Variants in APPL1 observed in about 807,000 individuals in gnomAD.
The protein encoded by APPL1 is adaptor protein, phosphotyrosine interacting with PH domain and leucine zipper 1.
APPL1 carries 42 observed loss-of-function variants against 106.8 expected under a neutral mutation model. The observed-to-expected ratio is 0.39, with a 90% CI of 0.31 to 0.51. APPL1 has a LOEUF of 0.51. APPL1 is among the 20% of genes least tolerant of loss of function. APPL1 has a pLI of 0.75. For missense variants in APPL1, 769 were observed against 858.2 expected (o/e 0.90, Z 1.30); for synonymous variants, 263 against 281.8 (o/e 0.93, Z 0.67).
At chr3:57,229,736 G>A (rs989034548) in intron 1 of APPL1, among the ~76,000 whole-genome samples, 2 of 134,630 alleles carry the variant, frequency 1.5e-5, no homozygotes, top group Admixed American at 7.7e-5. Flanking sequence ...TTCCTGAGAC[G>A]GGGTTTTGCT....
At chr3:57,233,724 A>G (rs540687027) in intron 1 of APPL1, among the ~76,000 whole-genome samples, 4 of 152,200 alleles carry the variant, frequency 2.6e-5, no homozygotes, top group South Asian at 2.1e-4. Context: ...TCTTTATACT[A>G]TATTGACTTA....
At chr3:57,260,846 TA>T in intron 19 of APPL1, 72 bp downstream of exon 19, 1 of 1,364,142 alleles carries the variant, frequency 7.3e-7, no homozygotes, top group Non-Finnish European at 9.7e-7. Context: ...TAATAATAAT[TA>T]AATTCTTACA....
Position 57,238,038 on chromosome 3 carries a change from T to C in APPL1, c.214-7T>C, listed in dbSNP as rs1579382711. 6.2e-7 allele frequency: 1 copy of C among 1,606,796 alleles called. No individual in the cohort carries two copies. Among genetic ancestry groups the C allele is most frequent in the Non-Finnish European group, 8.5e-7 (1 of 1,177,010 alleles). ...AAACTTTACCTCATCTGTTTCTTGC[T>C]TTTCAGCGTTTTCCATTGGGAGGTG... On this transcript the variant is annotated splice_polypyrimidine_tract_variant and splice_region_variant and intron_variant, in intron 3 of 21. Transcript: ENST00000288266.
chr3:57,265,540 A>C (rs151042258), intron 19 of APPL1, among the ~76,000 whole-genome samples: 98 of 151,938 alleles, frequency 6.4e-4, no homozygotes, highest in African/African-American at 1.7e-3. Context: ...TACTTTATTT[A>C]TTTCTTTTTC....
In APPL1 at chr3:57,227,843, G is replaced by C; in HGVS notation, c.-41G>C. ...GGCGGGCCGGCGCGGGGAGCTGTGG[G>C]CGGCAGCTGCGTCTCCTGCCACCGC... On this transcript the variant is annotated 5_prime_UTR_variant, in exon 1 of 22. Coordinates refer to ENST00000288266, the MANE Select transcript of APPL1 (RefSeq NM_012096.3). 2 of 1,440,128 alleles carry C rather than the reference G, an allele frequency of 1.4e-6. No homozygotes were observed. The highest frequency in any genetic ancestry group is 9.2e-7 in the Non-Finnish European group (1 of 1,091,914). The allele number at this position is 1,440,128 out of a possible 1,614,324, so 89.2% of individuals were successfully genotyped here. A position where few individuals can be genotyped will look rare whatever the true frequency, so the allele number is the denominator to read the frequency against.
At chr3:57,257,150 G>T (rs2060841306) in intron 14 of APPL1, 96 bp from the exon 15 acceptor site, 1 of 1,556,076 alleles carries the variant, frequency 6.4e-7, no homozygotes, top group Non-Finnish European at 8.8e-7. Flanking sequence ...ACTTCTCATT[G>T]ACTTATAATA....
At chr3:57,262,816 G>A (rs1449030461) in intron 19 of APPL1, among the ~76,000 whole-genome samples, 1 of 15,886 alleles carries the variant, frequency 6.3e-5, no homozygotes, top group Admixed American at 1.0e-3. Context: ...TACAAGGGGT[G>A]TGTGTGTGTG....
intron 4 of APPL1, 51 bp from the exon 5 acceptor site, chr3:57,240,414 G>A (rs1347577515): frequency 7.2e-7 from 1 of 1,379,326 alleles, no homozygotes; most frequent in Middle Eastern, 1.8e-4. Context: ...CATAACACTG[G>A]TTAAATGTCT....
chr3:57,227,824 C>A lies in APPL1; in HGVS notation c.-60C>A. On this transcript the variant is annotated 5_prime_UTR_variant, in exon 1 of 22. Transcript: ENST00000288266. ...GCCGGGGTCAGCTGCGGCGGGCGGG[C>A]CGGCGCGGGGAGCTGTGGGCGGCAG... The A allele has an allele frequency of 7.3e-7, 1 of 1,379,098 alleles. No individual in the cohort carries two copies. Among genetic ancestry groups the A allele is most frequent in the South Asian group, 1.5e-5 (1 of 68,526 alleles). The allele number at this position is 1,379,098 out of a possible 1,614,324, so 85.4% of individuals were successfully genotyped here.
chr3:57,271,379 C>T lies in APPL1; in HGVS notation c.*1692C>T, dbSNP rs555695845. On this transcript the variant is annotated 3_prime_UTR_variant, in exon 22 of 22. Coordinates refer to ENST00000288266, the MANE Select transcript of APPL1 (RefSeq NM_012096.3). ...TAAAAAAGTAGAAATTTATGAAATA[C>T]TTTTGATAAAAAGTTTATTTTGTGC... 3.1e-4 allele frequency: 47 copies of T among 152,656 alleles called. No homozygotes were observed. Among genetic ancestry groups the T allele is most frequent in the African/African-American group, 1.1e-3 (45 of 41,540 alleles). 9.5% of individuals were successfully genotyped at this position (152,656 alleles called of 1,614,324 possible).
chr3:57,254,571 A>G (rs2060824914), intron 13 of APPL1, among the ~76,000 whole-genome samples: 1 of 152,228 alleles, frequency 6.6e-6, no homozygotes, highest in Admixed American at 6.5e-5. Flanking sequence ...TGCAGATAAG[A>G]GAAAAAAAGA....
Position 57,269,566 on chromosome 3 carries a change from T to C in APPL1, c.2009T>C (p.Ile670Thr). ...EKDLEEQSRL[I>T]AASSRPNQAS... ...GACTTGGAAGAACAAAGTCGGTTGA[T>C]AGCTGCTTCCAGTAGACCAAACCAA... Residue 670 changes from isoleucine (I) to threonine (T), a missense_variant, in exon 22 of 22, where the codon ATA becomes ACA. Physicochemically the swap from Ile to Thr is moderately conservative, Grantham distance 89. Transcript: ENST00000288266. 1 of 1,614,078 alleles carries C rather than the reference T, an allele frequency of 6.2e-7. No homozygotes were observed. Among genetic ancestry groups the C allele is most frequent in the South Asian group, 1.1e-5 (1 of 91,046 alleles).
chr3:57,251,225 GA>G (rs2060802906), intron 11 of APPL1, among the ~76,000 whole-genome samples: 1 of 150,058 alleles, frequency 6.7e-6, no homozygotes, highest in South Asian at 2.1e-4. Context: ...CTTTACTCCT[GA>G]AAAAAAGATA....
Position 57,228,186 on chromosome 3 carries a change from G to A in APPL1, c.54+249G>A, listed in dbSNP as rs549359407. Among the ~76,000 whole-genome samples, 514 of 152,194 alleles carry A rather than the reference G, an allele frequency of 3.4e-3. 5 individuals are homozygous for A. The highest frequency in any genetic ancestry group is 0.011 in the African/African-American group (477 of 41,560). On this transcript the variant is annotated intron_variant, in intron 1 of 21. Transcript: ENST00000288266. The surrounding 1 kb of genome is among the most constrained non-coding windows in gnomAD (Gnocchi z 4.6). Reference sequence around the variant, plus strand: ...CGAGCCGCTGGTGCTCGTGGGCCGGGCGGTCACGTACGCGCGCGGGTCCTT... The same window carrying A: ...CGAGCCGCTGGTGCTCGTGGGCCGGACGGTCACGTACGCGCGCGGGTCCTT...
At chr3:57,269,435 C>T in intron 21 of APPL1, 106 bp from the exon 22 acceptor site, 1 of 1,146,510 alleles carries the variant, frequency 8.7e-7, no homozygotes, top group African/African-American at 1.8e-5. Flanking sequence ...AGTATGCATA[C>T]ATATTTATGA....
At chr3:57,257,945 A>G (rs2060846048) in intron 15 of APPL1, among the ~76,000 whole-genome samples, 1 of 152,234 alleles carries the variant, frequency 6.6e-6, no homozygotes, top group Non-Finnish European at 1.5e-5. Flanking sequence ...ACATGACTTA[A>G]GGCAAATCAT....
chr3:57,229,758 G>C (rs1467353178), intron 1 of APPL1, among the ~76,000 whole-genome samples: 4 of 140,488 alleles, frequency 2.8e-5, no homozygotes, highest in Non-Finnish European at 6.0e-5. Flanking sequence ...TTGTTGCCCA[G>C]GCTGGAGTGC....
At chr3:57,239,965 C>A (rs1286679744) in intron 4 of APPL1, among the ~76,000 whole-genome samples, 1 of 151,958 alleles carries the variant, frequency 6.6e-6, no homozygotes, top group Non-Finnish European at 1.5e-5. Context: ...ATATTGAGCA[C>A]CTTTTCATGT....
At chr3:57,254,351 A>G (rs2060823914) in intron 13 of APPL1, among the ~76,000 whole-genome samples, 1 of 152,254 alleles carries the variant, frequency 6.6e-6, no homozygotes, top group Non-Finnish European at 1.5e-5. Context: ...CTAGGAGCCT[A>G]TCTGTATGGA....
Sources: gnomAD v4.1 joint callset for allele counts (sites outside exome capture counted in the v4.1 genomes callset) on GRCh38, gnomAD v4.1.1 for gene constraint, Gnocchi (gnomAD v3.1) non-coding constraint, MANE v1.5 for transcripts, NCBI Gene and HGNC (gene_info 2026-07-23, HGNC 2026-07-21) for gene names.